GPC5: variants seen among roughly 807,000 people sequenced by gnomAD.
GPC5 encodes glypican 5.
Under a neutral mutation model 53.9 loss-of-function variants are expected in GPC5, and 47 were observed. The observed-to-expected ratio is 0.87, with a 90% CI of 0.69 to 1.11. GPC5 has a LOEUF of 1.11. Ranked by LOEUF, GPC5 falls within the 50% of genes most tolerant of loss-of-function variation. GPC5 has a pLI of 0.00. For synonymous variants in GPC5, 286 were observed against 263.3 expected (o/e 1.09, Z -0.84); for missense variants, 748 against 713.1 (o/e 1.05, Z -0.56).
At chr13:91,651,900 A>T (rs2034720298) in intron 2 of GPC5, among the ~76,000 whole-genome samples, 1 of 152,130 alleles carries the variant, frequency 6.6e-6, no homozygotes, top group Admixed American at 6.5e-5. Context: ...TGGACAATGA[A>T]TTAAAGAGAT....
At chr13:92,205,923 C>T (rs2042330868) in intron 7 of GPC5, among the ~76,000 whole-genome samples, 1 of 151,098 alleles carries the variant, frequency 6.6e-6, no homozygotes, top group African/African-American at 2.4e-5. Context: ...ATGCCTGTAA[C>T]CTCAGCTAAT....
chr13:92,700,660 G>T (rs1258642942), intron 7 of GPC5, among the ~76,000 whole-genome samples: 1 of 151,966 alleles, frequency 6.6e-6, no homozygotes, highest in Non-Finnish European at 1.5e-5. Context: ...TGAATGTGTT[G>T]AATTAACTTG....
At chr13:92,217,998 G>A (rs1399296045) in intron 7 of GPC5, among the ~76,000 whole-genome samples, 1 of 135,890 alleles carries the variant, frequency 7.4e-6, no homozygotes, top group African/African-American at 2.9e-5. Context: ...ACTCACTTCA[G>A]CCTTGAGCTC....
intron 6 of GPC5, among the ~76,000 whole-genome samples, chr13:91,970,347 A>G (rs2040229814): frequency 6.6e-6 from 1 of 152,156 alleles, no homozygotes; most frequent in South Asian, 2.1e-4. Context: ...TAACATGAAT[A>G]AGTTCTGGAG....
At chr13:91,600,346 A>T (rs145603010) in intron 2 of GPC5, among the ~76,000 whole-genome samples, 10,382 of 79,350 alleles carry the variant, frequency 0.13, 595 homozygotes, top group South Asian at 0.34. Flanking sequence ...AGAGAGAGAG[A>T]GAGTGTGTGT....
At chr13:92,474,225 T>C (rs868649788) in intron 7 of GPC5, among the ~76,000 whole-genome samples, 2 of 151,998 alleles carry the variant, frequency 1.3e-5, no homozygotes, top group African/African-American at 2.4e-5. Flanking sequence ...CAAAACCCAT[T>C]GCACCATTTA....
At chr13:92,584,758 GC>G (rs1308134201) in intron 7 of GPC5, among the ~76,000 whole-genome samples, 1 of 152,060 alleles carries the variant, frequency 6.6e-6, no homozygotes, top group East Asian at 1.9e-4. Context: ...CCTGGGCCAG[GC>G]CTAGGGTCCC....
chr13:92,046,736 C>A (rs1000641365), intron 6 of GPC5, among the ~76,000 whole-genome samples: 2 of 152,022 alleles, frequency 1.3e-5, no homozygotes, highest in African/African-American at 4.8e-5. Context: ...TGTAAATAAA[C>A]CATAGAGTTA....
chr13:92,481,742 G>GA lies in GPC5; in HGVS notation c.1561+336762dup, dbSNP rs199973904. On this transcript the variant is annotated intron_variant, in intron 7 of 7. Coordinates refer to ENST00000377067, the MANE Select transcript of GPC5 (RefSeq NM_004466.6). Reference sequence around the variant, plus strand: ...AGATCTACTGAACTCTCATTAGCTGGAAAAAAAAATCAAATTCTATTGGGA... The same window carrying GA: ...AGATCTACTGAACTCTCATTAGCTGGAAAAAAAAAATCAAATTCTATTGGGA... Among the ~76,000 whole-genome samples the GA allele has an allele frequency of 2.1e-3, 317 of 150,826 alleles. 2 individuals carry two copies. The highest frequency in any genetic ancestry group is 5.5e-3 in the Admixed American group (83 of 15,104).
intron 7 of GPC5, among the ~76,000 whole-genome samples, chr13:92,676,003 G>A (rs1345306761): frequency 6.6e-6 from 1 of 152,100 alleles, no homozygotes; most frequent in Non-Finnish European, 1.5e-5. Context: ...CATCTTAAAA[G>A]TAAATGGCAC....
intron 6 of GPC5, among the ~76,000 whole-genome samples, chr13:91,970,951 G>C (rs1232856599): frequency 6.6e-6 from 1 of 152,170 alleles, no homozygotes; most frequent in Non-Finnish European, 1.5e-5. Context: ...TCTCTGCCAG[G>C]CTTTGGTATC....
At chr13:91,939,876 T>C (rs1566352917) in intron 6 of GPC5, among the ~76,000 whole-genome samples, 1 of 152,142 alleles carries the variant, frequency 6.6e-6, no homozygotes, top group Non-Finnish European at 1.5e-5. Context: ...CCTGTAATCA[T>C]ATAGTCCAAA....
chr13:92,548,610 C>G (rs756494350), intron 7 of GPC5, among the ~76,000 whole-genome samples: 5 of 151,958 alleles, frequency 3.3e-5, no homozygotes, highest in Non-Finnish European at 5.9e-5. Context: ...GTGTTGTGTA[C>G]TAAGCCAAAT....
At chr13:92,521,762 C>A (rs1017440737) in intron 7 of GPC5, among the ~76,000 whole-genome samples, 24 of 152,044 alleles carry the variant, frequency 1.6e-4, no homozygotes, top group South Asian at 6.2e-4. Flanking sequence ...GCAACAGAAG[C>A]CAAAATTGAG....
intron 7 of GPC5, among the ~76,000 whole-genome samples, chr13:92,278,927 C>T (rs1482903781): frequency 6.6e-6 from 1 of 151,996 alleles, no homozygotes; most frequent in Non-Finnish European, 1.5e-5. Flanking sequence ...ACTACTGAAA[C>T]TTTCTAATAA....
At chr13:92,543,917 T>C (rs1009780558) in intron 7 of GPC5, among the ~76,000 whole-genome samples, 3 of 152,084 alleles carry the variant, frequency 2.0e-5, no homozygotes, top group Non-Finnish European at 4.4e-5. Flanking sequence ...AGTTTCAGAA[T>C]ACATATCAAA....
chr13:91,777,719 A>T lies in GPC5; in HGVS notation c.1280+21299A>T, dbSNP rs185047224. 5.9e-3 allele frequency among the ~76,000 whole-genome samples: 791 copies of T among 134,950 alleles called. 5 individuals are homozygous for T. The highest frequency in any genetic ancestry group is 7.8e-3 in the Non-Finnish European group (459 of 58,984). The allele number at this position is 134,950 out of a possible 152,430, so 88.5% of individuals were successfully genotyped here. A position where few individuals can be genotyped will look rare whatever the true frequency, so the allele number is the denominator to read the frequency against. Reference sequence around the variant, plus strand: ...TTCAGACCTTAGATAGGAACCTGAAAACTCAATTTTTTTTTCATTTAATCC... The same window carrying T: ...TTCAGACCTTAGATAGGAACCTGAATACTCAATTTTTTTTTCATTTAATCC... On this transcript the variant is annotated intron_variant, in intron 5 of 7. Coordinates refer to ENST00000377067, the MANE Select transcript of GPC5 (RefSeq NM_004466.6).
chr13:91,805,498 A>G (rs2038206012), intron 5 of GPC5, among the ~76,000 whole-genome samples: 1 of 152,232 alleles, frequency 6.6e-6, no homozygotes, highest in South Asian at 2.1e-4. Context: ...GGACTTATTC[A>G]GTAAGCATGT....
At chr13:91,974,805 A>T (rs1433762080) in intron 6 of GPC5, among the ~76,000 whole-genome samples, 3,338 of 151,772 alleles carry the variant, frequency 0.022, 118 homozygotes, top group African/African-American at 0.077. Context: ...AGAGCCCACA[A>T]TGCCAAGACA....
Sources: allele counts gnomAD v4.1 joint callset (sites outside exome capture counted in the v4.1 genomes callset), GRCh38; gene constraint gnomAD v4.1.1; transcripts MANE v1.5; gene names NCBI Gene and HGNC (gene_info 2026-07-23, HGNC 2026-07-21).